Variants in RBM24 observed in about 807,000 individuals in gnomAD.
RBM24 encodes the protein RNA-binding protein 24.
In RBM24, 5 loss-of-function variants were observed where a neutral mutation model predicts 23.6. That is an observed-to-expected ratio of 0.21 (90% confidence interval 0.11 to 0.45). RBM24 has a LOEUF of 0.45. Among genes scored for constraint, RBM24 ranks in the 20% least tolerant of loss-of-function variants. The pLI, the probability that RBM24 is intolerant of heterozygous loss-of-function variation, is 0.99. For missense variants in RBM24, 252 were observed against 314.6 expected, an observed-to-expected ratio of 0.80 and a Z score of 1.51; for synonymous variants, 151 against 129.5, an observed-to-expected ratio of 1.17 and a Z score of -1.13.
chr6:17,292,208 T>A lies in RBM24; in HGVS notation c.*89T>A. ...GCTAATAAGAGAGTTAACATTGACT[T>A]AACAGCTTTAAAAAAAAAAACAGCC... is the stretch of plus-strand genomic sequence containing the variant. On this transcript the variant is annotated 3_prime_UTR_variant, in exon 4 of 4. Coordinates refer to ENST00000379052, the MANE Select transcript of RBM24 (RefSeq NM_001143942.2). The A allele has an allele frequency of 8.1e-7, 1 of 1,242,136 alleles. No individual in the cohort carries two copies. The highest frequency in any genetic ancestry group is 1.1e-6 in the Non-Finnish European group (1 of 927,412). The allele number at this position is 1,242,136 out of a possible 1,614,324, so 76.9% of individuals were successfully genotyped here.
In RBM24 at chr6:17,293,489, T is replaced by G. The variant is rs1760432424; in HGVS notation, c.*1370T>G. 1 of 152,600 alleles carries G rather than the reference T, an allele frequency of 6.6e-6. No homozygotes were observed. Among genetic ancestry groups the G allele is most frequent in the Non-Finnish European group, 1.5e-5 (1 of 68,024 alleles). The allele number at this position is 152,600 out of a possible 1,614,324, so 9.5% of individuals were successfully genotyped here. A position where few individuals can be genotyped will look rare whatever the true frequency, so the allele number is the denominator to read the frequency against. ...AACGATATATTGCTAGTTTCATGCTTCCTCCTCTGATTTTGCCTGTGTAGA... is the reference window on the plus strand; with the variant it reads ...AACGATATATTGCTAGTTTCATGCTGCCTCCTCTGATTTTGCCTGTGTAGA... On this transcript the variant is annotated 3_prime_UTR_variant, in exon 4 of 4. Coordinates refer to ENST00000379052, the MANE Select transcript of RBM24 (RefSeq NM_001143942.2).
At chr6:17,289,925 A>T (rs1344356272) in intron 3 of RBM24, 1 of 1,279,988 alleles carries the variant, frequency 7.8e-7, no homozygotes, top group Middle Eastern at 2.2e-4. Flanking sequence ...CGAGTGAGCC[A>T]GTCACCTGAC....
At chr6:17,285,009 G>A (rs1760151058) in intron 3 of RBM24, 1 of 238,442 alleles carries the variant, frequency 4.2e-6, no homozygotes, top group African/African-American at 2.2e-5. Flanking sequence ...CATTACTACT[G>A]TTCGACTTGA....
chr6:17,283,875 GAGC>G (rs1422174891), intron 2 of RBM24, among the ~76,000 whole-genome samples: 1 of 152,134 alleles, frequency 6.6e-6, no homozygotes, highest in Non-Finnish European at 1.5e-5. Context: ...TGCCAAAAGG[GAGC>G]AGTTTTTTGT....
chr6:17,286,876 G>C (rs1011857096), intron 3 of RBM24, among the ~76,000 whole-genome samples: 1 of 152,188 alleles, frequency 6.6e-6, no homozygotes, highest in Admixed American at 6.5e-5. Flanking sequence ...GACTGATTGT[G>C]GAAGTCCTTA....
In RBM24 at chr6:17,292,076, G is replaced by A. The variant is rs1196201011; in HGVS notation, c.668G>A (p.Gly223Asp). ...GCAGCTGCTGCCGCTGCAGCATTTG[G>A]CCAGTACCAGCCTCAGCAGCTGCAG... ...AAAAAAAAAF[G>D]QYQPQQLQTD... Residue 223 changes from glycine (G) to aspartate (D), a missense_variant, in exon 4 of 4, where the codon GGC (glycine) becomes GAC (aspartate). Coordinates refer to ENST00000379052, the MANE Select transcript of RBM24 (RefSeq NM_001143942.2). 10 of 1,576,164 alleles carry A rather than the reference G, an allele frequency of 6.3e-6. No homozygotes were observed. The highest frequency in any genetic ancestry group is 8.6e-6 in the Non-Finnish European group (10 of 1,164,776).
At chr6:17,283,009 A>G in intron 2 of RBM24, 81 bp downstream of exon 2, 1 of 987,302 alleles carries the variant, frequency 1.0e-6, no homozygotes, top group Non-Finnish European at 1.6e-6. Context: ...TTTAGAAGAC[A>G]TTGTCTCTTT....
intron 1 of RBM24, chr6:17,282,085 A>T: frequency 3.2e-6 from 4 of 1,235,806 alleles, no homozygotes; most frequent in Non-Finnish European, 4.1e-6. Context: ...CCCGGGCTGG[A>T]TGCCGGTTGT....
intron 1 of RBM24, 126 bp from the exon 2 acceptor site, chr6:17,282,679 G>A (rs1330807774): frequency 8.8e-7 from 1 of 1,133,282 alleles, no homozygotes; most frequent in Non-Finnish European, 1.1e-6. Flanking sequence ...GCCAAAAGAA[G>A]CAAAGAATAG....
rs547419808 is a variant in RBM24 at position 17,288,875 on chromosome 6, T to C, written c.348-2881T>C. The C allele has an allele frequency of 8.1e-6, 8 of 985,418 alleles. No individual in the cohort carries two copies. The South Asian group carries it at 3.3e-4, about 41-fold the overall frequency. 61.0% of individuals were successfully genotyped at this position (985,418 alleles called of 1,614,324 possible). On this transcript the variant is annotated intron_variant, in intron 3 of 3. Transcript: ENST00000379052. ...CTTAAGAAATTTGCACTGAGTTTGGTTTTTTAGGGGCCAAGGATTACTTTG... is the reference window on the plus strand; with the variant it reads ...CTTAAGAAATTTGCACTGAGTTTGGCTTTTTAGGGGCCAAGGATTACTTTG...
chr6:17,291,698 C>T (rs1760362869), intron 3 of RBM24, 58 bp from the exon 4 acceptor site: 1 of 1,524,702 alleles, frequency 6.6e-7, no homozygotes, highest in South Asian at 1.3e-5. Flanking sequence ...TATCTTTGAA[C>T]AACATGCTAC....
intron 3 of RBM24, chr6:17,289,609 C>G: frequency 3.0e-6 from 3 of 985,410 alleles, no homozygotes; most frequent in Non-Finnish European, 3.6e-6. Flanking sequence ...TTCAGAGATA[C>G]CAACCTAGCA....
At chr6:17,288,114 A>G (rs1760251286) in intron 3 of RBM24, 1 of 312,340 alleles carries the variant, frequency 3.2e-6, no homozygotes. Flanking sequence ...GAGGTTAATT[A>G]ACTTCCCCCT....
At chr6:17,291,329 G>A (rs983912358) in intron 3 of RBM24, among the ~76,000 whole-genome samples, 1 of 152,082 alleles carries the variant, frequency 6.6e-6, no homozygotes, top group Non-Finnish European at 1.5e-5. Context: ...TACCTTTTGA[G>A]TCCTATATTC....
At position 17,292,550 on chromosome 6, in the gene RBM24, A is replaced by AT. The variant is rs1218502836; in HGVS notation, c.*437dup. 7.2e-5 allele frequency: 11 copies of AT among 153,364 alleles called. No homozygotes were observed. The highest frequency in any genetic ancestry group is 2.0e-4 in the Admixed American group (3 of 15,340). 9.5% of individuals were successfully genotyped at this position (153,364 alleles called of 1,614,324 possible). A position where few individuals can be genotyped will look rare whatever the true frequency, so the allele number is the denominator to read the frequency against. On this transcript the variant is annotated 3_prime_UTR_variant, in exon 4 of 4. Coordinates refer to ENST00000379052, the MANE Select transcript of RBM24 (RefSeq NM_001143942.2). ...TAGCTTGAATTACATTTAAAAGCAG[A>AT]TTTTTTACAAACAAAATGGCGAAAG...
chr6:17,281,946 A>T lies in RBM24; in HGVS notation c.168+197A>T, dbSNP rs1760030015. On this transcript the variant is annotated intron_variant, in intron 1 of 3. Transcript: ENST00000379052. The surrounding 1 kb of genome is among the most constrained non-coding windows in gnomAD (Gnocchi z 7.1). ...GCCAGCCTCGCGGGGTTCGGAGAAG[A>T]CCCAGCGCTGTGCGAGGTCGGGGGC... 5.9e-6 allele frequency: 8 copies of T among 1,352,606 alleles called. No homozygotes were observed. The highest frequency in any genetic ancestry group is 7.8e-6 in the Non-Finnish European group (8 of 1,024,858). The allele number at this position is 1,352,606 out of a possible 1,614,324, so 83.8% of individuals were successfully genotyped here. A position where few individuals can be genotyped will look rare whatever the true frequency, so the allele number is the denominator to read the frequency against.
chr6:17,282,803 A>G lies in RBM24; in HGVS notation c.169-2A>G. 6.2e-7 allele frequency: 1 copy of G among 1,613,954 alleles called. No homozygotes were observed. Among genetic ancestry groups the G allele is most frequent in the Non-Finnish European group, 8.5e-7 (1 of 1,179,822 alleles). On this transcript the variant is annotated splice_acceptor_variant, in intron 1 of 3. Coordinates refer to ENST00000379052, the MANE Select transcript of RBM24 (RefSeq NM_001143942.2). LOFTEE classifies it high-confidence loss of function. ...GTATGTCTGTGTGTGTCTGTTGCTA[A>G]GGTCACCATGGCTGACCGGGCTGCT...
At chr6:17,282,148 G>GT (rs1760038732) in intron 1 of RBM24, 31 of 1,238,002 alleles carry the variant, frequency 2.5e-5, no homozygotes, top group Non-Finnish European at 3.2e-5. Context: ...TTTGGCTGGG[G>GT]CAGGGAGGGG....
chr6:17,286,747 GAT>G (rs1760210239), intron 3 of RBM24, among the ~76,000 whole-genome samples: 1 of 152,172 alleles, frequency 6.6e-6, no homozygotes, highest in Non-Finnish European at 1.5e-5. Flanking sequence ...AGGAAGACTG[GAT>G]ATGTCTGGAG....
Sources: allele counts gnomAD v4.1 joint callset (sites outside exome capture counted in the v4.1 genomes callset), GRCh38; gene constraint gnomAD v4.1.1; non-coding constraint Gnocchi (gnomAD v3.1); transcripts MANE v1.5; gene names NCBI Gene and HGNC (gene_info 2026-07-23, HGNC 2026-07-21).